Variants in CSTPP1 observed in about 807,000 individuals in gnomAD.
CSTPP1 encodes UPF0705 protein C11orf49.
At chr11:47,153,110 G>A in the CSTPP1 span, among the ~76,000 whole-genome samples, 4 of 152,322 alleles carry the variant, frequency 2.6e-5, no homozygotes, top group East Asian at 7.7e-4. Context: ...GCTCTCTGCT[G>A]TCTCCCTGCT....
chr11:47,125,799 T>C, the CSTPP1 span, among the ~76,000 whole-genome samples: 3 of 152,114 alleles, frequency 2.0e-5, no homozygotes, highest in African/African-American at 7.2e-5. Context: ...GGCAGATCAC[T>C]TGAGGTCAAG....
chr11:46,996,217 T>C, the CSTPP1 span, among the ~76,000 whole-genome samples: 2 of 152,260 alleles, frequency 1.3e-5, no homozygotes, highest in Non-Finnish European at 2.9e-5. Context: ...CTGATGGGTC[T>C]TGACTCTTTA....
chr11:47,054,049 C>T, the CSTPP1 span, among the ~76,000 whole-genome samples: 1 of 151,116 alleles, frequency 6.6e-6, no homozygotes, highest in African/African-American at 2.4e-5. Flanking sequence ...GTGACTCATG[C>T]CTGTAATCTC....
the CSTPP1 span, among the ~76,000 whole-genome samples, chr11:46,953,663 A>G: frequency 2.7e-4 from 41 of 152,378 alleles, no homozygotes; most frequent in African/African-American, 9.4e-4. Context: ...ATAAAACAAT[A>G]TAATGTCAAC....
At chr11:46,954,433 C>T in the CSTPP1 span, among the ~76,000 whole-genome samples, 3 of 151,992 alleles carry the variant, frequency 2.0e-5, no homozygotes, top group African/African-American at 4.8e-5. Flanking sequence ...CCTATAATTC[C>T]GGCTACCCTG....
chr11:47,113,032 G>A, the CSTPP1 span, among the ~76,000 whole-genome samples: 12 of 151,970 alleles, frequency 7.9e-5, no homozygotes, highest in East Asian at 3.9e-4. Flanking sequence ...GATGTTCCCC[G>A]CCCTGTGTCC....
the CSTPP1 span, among the ~76,000 whole-genome samples, chr11:46,959,564 A>G: frequency 1.3e-5 from 2 of 151,812 alleles, no homozygotes; most frequent in Admixed American, 6.6e-5. Context: ...TTTTAACCCA[A>G]TTTTCCATTT....
chr11:46,937,107 G>C, the CSTPP1 span, among the ~76,000 whole-genome samples: 1 of 152,302 alleles, frequency 6.6e-6, no homozygotes, highest in South Asian at 2.1e-4. Flanking sequence ...TCAGGTTGGC[G>C]TTGAGGATTT....
chr11:47,037,436 G>A, the CSTPP1 span, among the ~76,000 whole-genome samples: 1 of 118,608 alleles, frequency 8.4e-6, no homozygotes, highest in South Asian at 2.9e-4. Flanking sequence ...TCTCGCAGAG[G>A]GGGATTTGGC....
At chr11:47,006,590 CTT>C in the CSTPP1 span, among the ~76,000 whole-genome samples, 7 of 144,048 alleles carry the variant, frequency 4.9e-5, no homozygotes, top group African/African-American at 2.5e-5. Flanking sequence ...GTCTCTGTCT[CTT>C]TTTTTTTTTT....
the CSTPP1 span, among the ~76,000 whole-genome samples, chr11:47,153,712 T>A: frequency 1.3e-5 from 2 of 152,198 alleles, no homozygotes; most frequent in Non-Finnish European, 2.9e-5. Flanking sequence ...TGGCACCTGC[T>A]TCTATTGTTA....
the CSTPP1 span, chr11:47,155,169 C>G: frequency 6.2e-7 from 1 of 1,610,814 alleles, no homozygotes; most frequent in East Asian, 2.2e-5. Context: ...CTCTCTTTCC[C>G]CTTCAGGATT....
chr11:47,039,075 GAC>G, the CSTPP1 span, among the ~76,000 whole-genome samples: 1 of 127,098 alleles, frequency 7.9e-6, no homozygotes, highest in Non-Finnish European at 1.9e-5. Flanking sequence ...GCCAGGCAGA[GAC>G]GCTCCTCACT....
the CSTPP1 span, among the ~76,000 whole-genome samples, chr11:47,142,285 T>C: frequency 6.6e-6 from 1 of 152,076 alleles, no homozygotes; most frequent in Non-Finnish European, 1.5e-5. Context: ...AGTTTCATGT[T>C]TTAGGTTGGT....
chr11:47,145,908 A>G, the CSTPP1 span, among the ~76,000 whole-genome samples: 8 of 151,366 alleles, frequency 5.3e-5, no homozygotes, highest in African/African-American at 1.9e-4. Context: ...AAATTATTTT[A>G]TTTTATTTTA....
the CSTPP1 span, among the ~76,000 whole-genome samples, chr11:46,941,667 G>T: frequency 6.6e-6 from 1 of 152,078 alleles, no homozygotes; most frequent in African/African-American, 2.4e-5. Flanking sequence ...TCTAATGACC[G>T]TTTAAAACCA....
the CSTPP1 span, among the ~76,000 whole-genome samples, chr11:46,955,755 G>A: frequency 6.6e-6 from 1 of 150,782 alleles, no homozygotes; most frequent in East Asian, 2.0e-4. Flanking sequence ...ACCCTGGGAA[G>A]CCAAGGTGGG....
chr11:47,157,260 G>A, the CSTPP1 span: 19 of 1,519,720 alleles, frequency 1.3e-5, no homozygotes, highest in Non-Finnish European at 1.7e-5. Context: ...CAGCCCCAGG[G>A]GGTCGGACTG....
chr11:47,163,376 A>G, the CSTPP1 span, among the ~76,000 whole-genome samples: 1 of 152,142 alleles, frequency 6.6e-6, no homozygotes. Flanking sequence ...ATGATCCCAA[A>G]GCTGAATGAG....
Sources: gnomAD v4.1 joint callset for allele counts (sites outside exome capture counted in the v4.1 genomes callset) on GRCh38, gnomAD v4.1.1 for gene constraint, MANE v1.5 for transcripts, NCBI Gene and HGNC (gene_info 2026-07-23, HGNC 2026-07-21) for gene names.